The following PTPRD variants were observed in gnomAD, a reference collection of about 807,000 sequenced individuals.
The protein encoded by PTPRD is protein tyrosine phosphatase receptor type D, also known as receptor-type tyrosine-protein phosphatase delta.
A neutral mutation model predicts 214.5 loss-of-function variants in PTPRD; 34 were observed. That is an observed-to-expected ratio of 0.16 (90% CI 0.12 to 0.21). PTPRD has a LOEUF of 0.21. Among genes scored for constraint, PTPRD ranks in the 10% least tolerant of loss-of-function variants. The pLI, the probability that PTPRD is intolerant of heterozygous loss-of-function variation, is 1.00. For missense variants in PTPRD, 2,545 were observed against 2,398.7 expected, an observed-to-expected ratio of 1.06 and a Z score of -1.27; for synonymous variants, 1,128 against 845.7, an observed-to-expected ratio of 1.33 and a Z score of -5.79.
intron 14 of PTPRD, among the ~76,000 whole-genome samples, chr9:8,621,264 C>T (rs2095813322): frequency 6.6e-6 from 1 of 151,982 alleles, no homozygotes; most frequent in Non-Finnish European, 1.5e-5. Flanking sequence ...ATTCATCTCA[C>T]TGGAGGACAC....
At chr9:10,109,707 G>A (rs929603015) in intron 3 of PTPRD, among the ~76,000 whole-genome samples, 2 of 152,168 alleles carry the variant, frequency 1.3e-5, no homozygotes, top group African/African-American at 2.4e-5. Context: ...GTGATGGGGT[G>A]TCTGATAGTA....
chr9:9,872,530 T>C (rs1003682164), intron 5 of PTPRD, among the ~76,000 whole-genome samples: 9 of 151,896 alleles, frequency 5.9e-5, no homozygotes, highest in Non-Finnish European at 1.0e-4. Flanking sequence ...GAGCCGAGGA[T>C]ATCGAGGCTA....
rs896076132 is a variant in PTPRD at position 8,314,371 on chromosome 9, C to T, written c.*3503G>A. On this transcript the variant is annotated 3_prime_UTR_variant, in exon 46 of 46. Transcript: ENST00000381196. Reference sequence around the variant, plus strand: ...ACGAAGTAAGAAAATAAAAAGCACGCCTTTCATTCTGTAAAACATTTACGC... The same window carrying T: ...ACGAAGTAAGAAAATAAAAAGCACGTCTTTCATTCTGTAAAACATTTACGC... 8.7e-6 allele frequency: 2 copies of T among 229,258 alleles called. No homozygotes were observed. The highest frequency in any genetic ancestry group is 1.2e-4 in the East Asian group (2 of 16,130). The allele number at this position is 229,258 out of a possible 1,614,324, so 14.2% of individuals were successfully genotyped here. A position where few individuals can be genotyped will look rare whatever the true frequency, so the allele number is the denominator to read the frequency against.
At chr9:8,919,995 GTATA>G (rs550880706) in intron 11 of PTPRD, among the ~76,000 whole-genome samples, 2 of 147,298 alleles carry the variant, frequency 1.4e-5, no homozygotes, top group Non-Finnish European at 3.1e-5. Context: ...ACAATCAGGA[GTATA>G]TATATATAAT....
At chr9:10,255,974 G>A (rs1359939780) in intron 3 of PTPRD, among the ~76,000 whole-genome samples, 2 of 152,170 alleles carry the variant, frequency 1.3e-5, no homozygotes, top group Non-Finnish European at 2.9e-5. Context: ...AGCAGCAGGT[G>A]AGCGAGCACT....
chr9:10,482,350 G>A (rs1042381441), intron 2 of PTPRD, among the ~76,000 whole-genome samples: 7 of 151,902 alleles, frequency 4.6e-5, no homozygotes, highest in Non-Finnish European at 8.8e-5. Context: ...CAGCCTGGGC[G>A]ACAGAGCAAG....
intron 5 of PTPRD, among the ~76,000 whole-genome samples, chr9:9,798,092 A>T (rs10977989): frequency 2.0e-5 from 3 of 152,200 alleles, no homozygotes; most frequent in South Asian, 2.1e-4. Context: ...GAAATAAAAC[A>T]AAAGAATTTA....
chr9:9,900,058 T>A (rs2076026686), intron 5 of PTPRD, among the ~76,000 whole-genome samples: 2 of 152,204 alleles, frequency 1.3e-5, no homozygotes, highest in African/African-American at 4.8e-5. Context: ...AGAAATATTC[T>A]GTGTTCATGG....
rs368458288 is a variant in PTPRD at position 8,636,745 on chromosome 9, A to G, written c.164T>C (p.Ile55Thr). ...CQATGDPRPK[I>T]VWNKKGKKVS... ...TTTCTTTCCTTTTTTGTTCCAGACA[A>G]TTTTAGGTCTTGGGTCTCCCGTAGC... The change falls in exon 13 of 46, where the codon ATT becomes ACT. Residue 55 changes from isoleucine to threonine, a missense_variant. By Grantham distance (89) the Ile-to-Thr change is moderately conservative. Transcript: ENST00000381196. 3.7e-6 allele frequency: 6 copies of G among 1,614,006 alleles called. No individual in the cohort carries two copies. Among genetic ancestry groups the G allele is most frequent in the African/African-American group, 1.3e-5 (1 of 75,004 alleles).
chr9:8,751,806 C>G (rs1176393444), intron 11 of PTPRD, among the ~76,000 whole-genome samples: 1 of 152,098 alleles, frequency 6.6e-6, no homozygotes, highest in Non-Finnish European at 1.5e-5. Context: ...AGTATTTAAC[C>G]CTCTGTCTTA....
chr9:9,992,600 C>T (rs34527700), intron 4 of PTPRD, among the ~76,000 whole-genome samples: 2 of 152,096 alleles, frequency 1.3e-5, no homozygotes, highest in African/African-American at 2.4e-5. Flanking sequence ...CACATATACA[C>T]CATGGAATAC....
chr9:9,060,609 TA>T (rs1370243050), intron 10 of PTPRD, among the ~76,000 whole-genome samples: 2 of 151,774 alleles, frequency 1.3e-5, no homozygotes, highest in Non-Finnish European at 2.9e-5. Flanking sequence ...ACATATATAA[TA>T]AACAGATAGT....
intron 5 of PTPRD, among the ~76,000 whole-genome samples, chr9:9,794,477 T>A (rs1170162730): frequency 3.3e-5 from 5 of 151,726 alleles, no homozygotes; most frequent in Non-Finnish European, 4.4e-5. Context: ...TCAATGTGGC[T>A]AGAGCAGAGA....
chr9:9,634,619 A>G (rs188882023), intron 7 of PTPRD, among the ~76,000 whole-genome samples: 3 of 152,312 alleles, frequency 2.0e-5, no homozygotes, highest in Admixed American at 1.3e-4. Context: ...CCACCAAAAT[A>G]TGAACACAAA....
chr9:9,334,835 A>C (rs901332422), intron 9 of PTPRD, among the ~76,000 whole-genome samples: 4 of 152,010 alleles, frequency 2.6e-5, no homozygotes, highest in Admixed American at 1.3e-4. Context: ...CCAAGGTACC[A>C]TTAAGACAAG....
At chr9:10,267,210 A>T (rs1236467880) in intron 3 of PTPRD, among the ~76,000 whole-genome samples, 1 of 146,048 alleles carries the variant, frequency 6.8e-6, no homozygotes. Context: ...AAAAAAAAGG[A>T]AAAAACAAAA....
At chr9:10,038,473 T>A (rs551595058) in intron 3 of PTPRD, among the ~76,000 whole-genome samples, 4 of 152,148 alleles carry the variant, frequency 2.6e-5, no homozygotes, top group African/African-American at 9.6e-5. Context: ...TAACAATAGA[T>A]AACATTGATT....
At chr9:10,172,062 G>A (rs2099211500) in intron 3 of PTPRD, among the ~76,000 whole-genome samples, 1 of 152,038 alleles carries the variant, frequency 6.6e-6, no homozygotes, top group Non-Finnish European at 1.5e-5. Context: ...TTCAATGATG[G>A]AGCAATGAAA....
chr9:9,152,263 T>C (rs1344986751), intron 10 of PTPRD, among the ~76,000 whole-genome samples: 1 of 152,206 alleles, frequency 6.6e-6, no homozygotes, highest in East Asian at 1.9e-4. Flanking sequence ...AATGCACATG[T>C]AGAGACATTA....
Sources: allele counts gnomAD v4.1 joint callset (sites outside exome capture counted in the v4.1 genomes callset), GRCh38; gene constraint gnomAD v4.1.1; transcripts MANE v1.5; gene names NCBI Gene and HGNC (gene_info 2026-07-23, HGNC 2026-07-21).